VWA8: variants seen among roughly 807,000 people sequenced by gnomAD.
VWA8 encodes the protein von Willebrand factor A domain containing 8.
VWA8 carries 221 observed loss-of-function variants against 241.5 expected under a neutral mutation model. The ratio of observed to expected loss-of-function variants is 0.91; its 90% CI spans 0.82 to 1.02. The LOEUF (loss-of-function observed/expected upper bound fraction) is 1.02. Ranked by LOEUF, VWA8 falls within the 50% of genes least tolerant of loss-of-function variation. The pLI, the probability that VWA8 is intolerant of heterozygous loss-of-function variation, is 0.00. For synonymous variants in VWA8, 852 were observed against 827.1 expected, an observed-to-expected ratio of 1.03 and a Z score of -0.52; for missense variants, 2,322 against 2,328.7, an observed-to-expected ratio of 1.00 and a Z score of 0.06.
chr13:41,691,794 T>C lies in VWA8; in HGVS notation c.3740+80A>G, dbSNP rs56287541. The C allele has an allele frequency of 9.3e-4, 1,056 of 1,139,746 alleles. 2 individuals are homozygous for C. The African/African-American group carries it at 0.013, about 14-fold the overall frequency. The allele number at this position is 1,139,746 out of a possible 1,614,324, so 70.6% of individuals were successfully genotyped here. A position where few individuals can be genotyped will look rare whatever the true frequency, so the allele number is the denominator to read the frequency against. On this transcript the variant is annotated intron_variant, in intron 31 of 44. Coordinates refer to ENST00000379310, the MANE Select transcript of VWA8 (RefSeq NM_015058.2). The stretch of plus-strand genomic sequence containing the variant: ...TAATTTGGTTACATTCACTTTATAG[T>C]AAACAAGTATAATCAAAATAGGAAA...
At chr13:41,776,661 C>T (rs1276340676) in intron 20 of VWA8, among the ~76,000 whole-genome samples, 2 of 152,158 alleles carry the variant, frequency 1.3e-5, no homozygotes, top group Non-Finnish European at 2.9e-5. Flanking sequence ...ACTTCCCACG[C>T]ATTATCTCAT....
intron 1 of VWA8, among the ~76,000 whole-genome samples, chr13:41,956,786 G>A (rs143900262): frequency 6.6e-5 from 10 of 152,176 alleles, no homozygotes; most frequent in African/African-American, 2.2e-4. Flanking sequence ...GCAAGAATGA[G>A]ACAGTAAAAT....
At chr13:41,775,874 G>A (rs944030797) in intron 20 of VWA8, among the ~76,000 whole-genome samples, 4 of 152,096 alleles carry the variant, frequency 2.6e-5, no homozygotes, top group Non-Finnish European at 5.9e-5. Context: ...ATCCTCCAGA[G>A]GTTAAAACAT....
In VWA8 at chr13:41,572,341, C is replaced by G. The variant is rs1197472428; in HGVS notation, c.5371-1635G>C. Among the ~76,000 whole-genome samples, 13 of 152,310 alleles carry G rather than the reference C, an allele frequency of 8.5e-5. No homozygotes were observed. In the East Asian group the frequency reaches 2.1e-3, roughly 25 times the overall value. On this transcript the variant is annotated intron_variant, in intron 43 of 44. Coordinates refer to ENST00000379310, the MANE Select transcript of VWA8 (RefSeq NM_015058.2). ...TGAGAATGGGCCATGATGACGATGG[C>G]GGCTTTGTCGAATAGAAAAGGGGGA...
At chr13:41,883,186 G>GC (rs1874346070) in intron 9 of VWA8, among the ~76,000 whole-genome samples, 2 of 152,106 alleles carry the variant, frequency 1.3e-5, no homozygotes, top group African/African-American at 2.4e-5. Context: ...TGTGTTTGCT[G>GC]CCCTATTTAT....
At chr13:41,691,175 T>C (rs976261787) in intron 32 of VWA8, 145 bp downstream of exon 32, 68 of 924,640 alleles carry the variant, frequency 7.4e-5, no homozygotes, top group Non-Finnish European at 9.6e-5. Flanking sequence ...TCAATTCTTA[T>C]AAGTCTCATA....
intron 29 of VWA8, 52 bp downstream of exon 29, chr13:41,699,018 CT>C: frequency 6.2e-7 from 1 of 1,608,910 alleles, no homozygotes; most frequent in Admixed American, 1.7e-5. Context: ...TCTAATCACT[CT>C]TGCCTTTCAT....
At chr13:41,636,090 A>G (rs1321256069) in intron 37 of VWA8, among the ~76,000 whole-genome samples, 1 of 152,184 alleles carries the variant, frequency 6.6e-6, no homozygotes, top group Non-Finnish European at 1.5e-5. Context: ...CAATAACCAG[A>G]GAAGTTAGAA....
intron 2 of VWA8, among the ~76,000 whole-genome samples, chr13:41,939,188 G>T (rs1235977938): frequency 6.6e-6 from 1 of 152,140 alleles, no homozygotes; most frequent in Admixed American, 6.5e-5. Context: ...TAACTCTGAG[G>T]TCAGGTTGAA....
intron 28 of VWA8, among the ~76,000 whole-genome samples, chr13:41,699,891 A>G (rs528744302): frequency 1.3e-5 from 2 of 152,252 alleles, no homozygotes; most frequent in Non-Finnish European, 1.5e-5. Flanking sequence ...TCAAGTGCCT[A>G]TGAATCACCT....
chr13:41,715,082 G>A (rs189034080), intron 26 of VWA8, among the ~76,000 whole-genome samples: 1 of 151,822 alleles, frequency 6.6e-6, no homozygotes, highest in Admixed American at 6.6e-5. Context: ...ACTTCTCTGT[G>A]CCTCAAATTC....
chr13:41,714,739 GTC>G (rs967594633), intron 26 of VWA8, among the ~76,000 whole-genome samples: 1 of 151,910 alleles, frequency 6.6e-6, no homozygotes, highest in Non-Finnish European at 1.5e-5. Context: ...TGTGCCAAAA[GTC>G]TCTATTTATC....
Position 41,926,518 on chromosome 13 carries a change from G to A in VWA8, c.242-14350C>T, listed in dbSNP as rs1314566971. 1.7e-5 allele frequency: 9 copies of A among 534,788 alleles called. No homozygotes were observed. The Admixed American group carries it at 1.8e-4, about 10-fold the overall frequency. The allele number at this position is 534,788 out of a possible 1,614,324, so 33.1% of individuals were successfully genotyped here. ...AGATGCTAGTGGTTGGTGGCACCAA[G>A]CAGATTTATGAAACTGGATGCCAGT... On this transcript the variant is annotated intron_variant, in intron 2 of 44. Transcript: ENST00000379310.
At chr13:41,950,589 C>T (rs1198123610) in intron 1 of VWA8, among the ~76,000 whole-genome samples, 1 of 151,096 alleles carries the variant, frequency 6.6e-6, no homozygotes, top group Non-Finnish European at 1.5e-5. Flanking sequence ...AGGATGATCT[C>T]GATCTCCTGA....
chr13:41,727,665 G>A (rs1220058764), intron 23 of VWA8, among the ~76,000 whole-genome samples: 1 of 152,088 alleles, frequency 6.6e-6, no homozygotes, highest in Non-Finnish European at 1.5e-5. Flanking sequence ...CATAATAAGG[G>A]AGAATCCAAG....
chr13:41,859,198 G>C (rs759279270), intron 12 of VWA8, among the ~76,000 whole-genome samples: 1 of 151,092 alleles, frequency 6.6e-6, no homozygotes, highest in Non-Finnish European at 1.5e-5. Flanking sequence ...AGAAAAGCAC[G>C]AAGTCAAGGC....
intron 37 of VWA8, among the ~76,000 whole-genome samples, chr13:41,648,994 G>A (rs1427129495): frequency 2.0e-5 from 3 of 152,148 alleles, no homozygotes; most frequent in Non-Finnish European, 4.4e-5. Context: ...TACCAGCTTG[G>A]CCAACATGGT....
chr13:41,894,385 TAG>T (rs553800518), intron 4 of VWA8, among the ~76,000 whole-genome samples: 7 of 152,184 alleles, frequency 4.6e-5, no homozygotes, highest in Non-Finnish European at 2.9e-5. Context: ...GTTGAAAAAG[TAG>T]GGATAGATGG....
chr13:41,729,442 G>T, intron 23 of VWA8, 100 bp downstream of exon 23: 1 of 1,194,252 alleles, frequency 8.4e-7, no homozygotes, highest in Non-Finnish European at 1.1e-6. Context: ...TTGAACTTAT[G>T]CTTATTATTG....
Sources: gnomAD v4.1 joint callset for allele counts (sites outside exome capture counted in the v4.1 genomes callset) on GRCh38, gnomAD v4.1.1 for gene constraint, MANE v1.5 for transcripts, NCBI Gene and HGNC (gene_info 2026-07-23, HGNC 2026-07-21) for gene names.